Variants in ABI3BP observed in about 807,000 individuals in gnomAD.
ABI3BP encodes the protein target of Nesh-SH3.
A neutral mutation model predicts 268.6 loss-of-function variants in ABI3BP; 216 were observed. The ratio of observed to expected loss-of-function variants is 0.80; its 90% CI spans 0.72 to 0.90. ABI3BP has a LOEUF of 0.90. Ranked by LOEUF, ABI3BP falls within the 40% of genes least tolerant of loss-of-function variation. The pLI is 0.00. For missense variants in ABI3BP, 2,090 were observed against 2,182.4 expected (o/e 0.96, Z 0.84); for synonymous variants, 730 against 730.0 (o/e 1.00, Z 0.00).
chr3:100,803,066 CT>C (rs1322943199), intron 51 of ABI3BP, among the ~76,000 whole-genome samples: 1 of 146,044 alleles, frequency 6.8e-6, no homozygotes, highest in East Asian at 1.9e-4. Flanking sequence ...AGGGAGAACC[CT>C]GATCATATGG....
chr3:100,887,380 C>T (rs370589971), intron 4 of ABI3BP, among the ~76,000 whole-genome samples: 32 of 152,018 alleles, frequency 2.1e-4, no homozygotes, highest in East Asian at 1.2e-3. Context: ...AATATTCAGA[C>T]GTATGAAATA....
intron 1 of ABI3BP, among the ~76,000 whole-genome samples, chr3:100,943,453 A>T (rs530079580): frequency 1.3e-5 from 2 of 152,106 alleles, no homozygotes; most frequent in Non-Finnish European, 2.9e-5. Flanking sequence ...TTAACTATAC[A>T]TTACTGTTTT....
chr3:100,758,275 G>A (rs1022174561), intron 63 of ABI3BP, among the ~76,000 whole-genome samples: 1 of 152,100 alleles, frequency 6.6e-6, no homozygotes, highest in Non-Finnish European at 1.5e-5. Flanking sequence ...TAAAAATGAG[G>A]ATAATGCTAT....
intron 1 of ABI3BP, among the ~76,000 whole-genome samples, chr3:100,932,415 A>G (rs1414054325): frequency 6.6e-6 from 1 of 152,172 alleles, no homozygotes; most frequent in African/African-American, 2.4e-5. Flanking sequence ...CAGCCTATAG[A>G]AAGGGAGAAA....
intron 36 of ABI3BP, among the ~76,000 whole-genome samples, chr3:100,824,215 T>C (rs1474063572): frequency 2.0e-5 from 3 of 152,148 alleles, no homozygotes; most frequent in East Asian, 1.9e-4. Context: ...TGCACCATCA[T>C]CAACAGTCGT....
chr3:100,993,215 G>T (rs3732896), intron 1 of ABI3BP, 91 bp downstream of exon 1: 2 of 917,502 alleles, frequency 2.2e-6, no homozygotes, highest in South Asian at 1.8e-5. Flanking sequence ...TATTCCCCCC[G>T]TATGGTAAAG....
At chr3:100,875,744 A>G (rs2099155683) in intron 7 of ABI3BP, among the ~76,000 whole-genome samples, 165 bp from the exon 8 acceptor site, 1 of 152,210 alleles carries the variant, frequency 6.6e-6, no homozygotes, top group Admixed American at 6.5e-5. Flanking sequence ...ATTGGAAGGC[A>G]TACCTTACCT....
At chr3:100,821,162 A>C in intron 38 of ABI3BP, 49 bp from the exon 39 acceptor site, 1 of 1,467,458 alleles carries the variant, frequency 6.8e-7, no homozygotes, top group Non-Finnish European at 9.2e-7. Flanking sequence ...AAATGAATGT[A>C]AACTCAAAAC....
At chr3:100,881,179 G>T (rs371050071) in intron 6 of ABI3BP, among the ~76,000 whole-genome samples, 8 of 152,300 alleles carry the variant, frequency 5.3e-5, no homozygotes, top group African/African-American at 1.9e-4. Context: ...TGCCTACACA[G>T]AAATTTTTCA....
At chr3:100,935,604 C>T (rs1363020193) in intron 1 of ABI3BP, among the ~76,000 whole-genome samples, 1 of 151,442 alleles carries the variant, frequency 6.6e-6, no homozygotes, top group East Asian at 1.9e-4. Flanking sequence ...TTCTTCCTAT[C>T]CATGAGCACG....
chr3:100,972,123 C>CT (rs1472341531), intron 1 of ABI3BP, among the ~76,000 whole-genome samples: 1 of 152,148 alleles, frequency 6.6e-6, no homozygotes, highest in African/African-American at 2.4e-5. Flanking sequence ...TTTAGAATCT[C>CT]TTTTTTATCA....
intron 1 of ABI3BP, among the ~76,000 whole-genome samples, chr3:100,927,390 T>C (rs999949651): frequency 1.3e-5 from 2 of 152,150 alleles, no homozygotes; most frequent in South Asian, 4.1e-4. Context: ...TCCTGGTTTC[T>C]AAGTGATATA....
At chr3:100,937,363 AC>A (rs1224690884) in intron 1 of ABI3BP, among the ~76,000 whole-genome samples, 1 of 152,000 alleles carries the variant, frequency 6.6e-6, no homozygotes, top group African/African-American at 2.4e-5. Context: ...CTGTGCAAAA[AC>A]TTGTGTGCAA....
intron 51 of ABI3BP, among the ~76,000 whole-genome samples, chr3:100,802,051 G>T (rs1310878860): frequency 1.3e-5 from 2 of 152,106 alleles, no homozygotes; most frequent in Non-Finnish European, 2.9e-5. Flanking sequence ...ATTGCTTTAT[G>T]AACTGTATCA....
chr3:100,834,266 T>A (rs979107459), intron 29 of ABI3BP, among the ~76,000 whole-genome samples: 1 of 152,220 alleles, frequency 6.6e-6, no homozygotes, highest in Non-Finnish European at 1.5e-5. Flanking sequence ...TAATAAATAT[T>A]TGCTTTTCCT....
chr3:100,775,297 T>C lies in ABI3BP; in HGVS notation c.4372A>G (p.Arg1458Gly). 2 of 1,608,688 alleles carry C rather than the reference T, an allele frequency of 1.2e-6. No individual in the cohort carries two copies. Among genetic ancestry groups the C allele is most frequent in the South Asian group, 1.1e-5 (1 of 89,786 alleles). Residue 1458 changes from arginine (R) to glycine (G), a missense_variant, in exon 60 of 68, where the codon AGG becomes GGG. Arg to Gly is a moderately radical substitution (Grantham distance 125). Coordinates refer to ENST00000471714, the MANE Select transcript of ABI3BP (RefSeq NM_001375547.2). ...SSGPITTPPL[R>G]STPRPTGTPL... is the part of the protein sequence containing the mutation. The stretch of plus-strand genomic sequence containing the variant: ...GTTCCAGTAGGCCTGGGTGTTGACC[T>C]CAGGGGTGGTGTAGTTATTGGGCCT...
chr3:100,941,484 T>C (rs2069205765), intron 1 of ABI3BP, among the ~76,000 whole-genome samples: 1 of 152,126 alleles, frequency 6.6e-6, no homozygotes, highest in Non-Finnish European at 1.5e-5. Context: ...TTACAAAAAG[T>C]CCAAGGGGGA....
At chr3:100,919,358 C>T (rs550207150) in intron 2 of ABI3BP, among the ~76,000 whole-genome samples, 31 of 152,184 alleles carry the variant, frequency 2.0e-4, no homozygotes, top group African/African-American at 6.5e-4. Context: ...CATTATTAAA[C>T]ACTTTTATGA....
intron 6 of ABI3BP, among the ~76,000 whole-genome samples, chr3:100,883,670 C>T (rs1253350267): frequency 6.6e-6 from 1 of 152,056 alleles, no homozygotes; most frequent in East Asian, 1.9e-4. Context: ...TAAACTGATA[C>T]ATTGCTGGCG....
Sources: allele counts gnomAD v4.1 joint callset (sites outside exome capture counted in the v4.1 genomes callset), GRCh38; gene constraint gnomAD v4.1.1; transcripts MANE v1.5; gene names NCBI Gene and HGNC (gene_info 2026-07-23, HGNC 2026-07-21).